Variants in RGS22 observed in about 807,000 individuals in gnomAD.
RGS22 encodes the protein regulator of G-protein signaling 22.
In RGS22, 148 loss-of-function variants were observed where a neutral mutation model predicts 172.9. That is an observed-to-expected ratio of 0.86 (90% CI 0.75 to 0.98). The LOEUF (loss-of-function observed/expected upper bound fraction) is 0.98. RGS22 is among the 50% of genes least tolerant of loss of function. RGS22 has a pLI of 0.00. For missense variants in RGS22, 1,347 were observed against 1,440.8 expected (o/e 0.93, Z 1.05); for synonymous variants, 458 against 480.2 (o/e 0.95, Z 0.60).
At chr8:99,992,151 A>ACT (rs1813808756) in intron 20 of RGS22, among the ~76,000 whole-genome samples, 1 of 152,230 alleles carries the variant, frequency 6.6e-6, no homozygotes, top group Non-Finnish European at 1.5e-5. Flanking sequence ...AGTACCAGCC[A>ACT]GCACAAAAAC....
chr8:100,043,276 T>C (rs559875201), intron 11 of RGS22, among the ~76,000 whole-genome samples: 1 of 152,226 alleles, frequency 6.6e-6, no homozygotes, highest in Non-Finnish European at 1.5e-5. Context: ...GCGCCCCACC[T>C]CCTGCCCGTG....
At chr8:100,103,369 T>C (rs1246427590) in intron 2 of RGS22, among the ~76,000 whole-genome samples, 2 of 152,100 alleles carry the variant, frequency 1.3e-5, no homozygotes, top group Non-Finnish European at 2.9e-5. Flanking sequence ...GATCTGGCTA[T>C]GAAAGGAGCT....
intron 20 of RGS22, among the ~76,000 whole-genome samples, chr8:99,989,413 C>A (rs192698949): frequency 6.6e-6 from 1 of 152,264 alleles, no homozygotes; most frequent in Non-Finnish European, 1.5e-5. Flanking sequence ...AGCTAAAATT[C>A]TATCTTTTTG....
intron 20 of RGS22, among the ~76,000 whole-genome samples, chr8:99,991,306 A>G (rs1192801867): frequency 6.6e-6 from 1 of 152,202 alleles, no homozygotes; most frequent in African/African-American, 2.4e-5. Flanking sequence ...GGTTGGTAAT[A>G]ACAAATTTCT....
At chr8:100,038,659 GA>G (rs1022500990) in intron 14 of RGS22, 48 of 263,692 alleles carry the variant, frequency 1.8e-4, no homozygotes, top group African/African-American at 8.7e-4. Context: ...GTATACATTA[GA>G]AAAAAAAGAG....
At chr8:100,072,905 C>T (rs757944454) in intron 4 of RGS22, among the ~76,000 whole-genome samples, 2 of 152,070 alleles carry the variant, frequency 1.3e-5, no homozygotes, top group Non-Finnish European at 2.9e-5. Context: ...AGTATTAGGT[C>T]ACAGGATGAG....
chr8:99,991,910 C>A (rs899694755), intron 20 of RGS22, among the ~76,000 whole-genome samples: 1 of 152,106 alleles, frequency 6.6e-6, no homozygotes, highest in African/African-American at 2.4e-5. Flanking sequence ...AGACTAACAG[C>A]AGATCTCTTG....
chr8:99,962,699 G>C lies in RGS22; in HGVS notation c.3778C>G (p.His1260Asp). ...TMSLKKNMSA[H>D]SSQK ...ACTGGAAACTCACTCTGGCTGCTGTGGGCAGACATATTCTTTTTCAAAGAC... is the reference window on the plus strand; with the variant it reads ...ACTGGAAACTCACTCTGGCTGCTGTCGGCAGACATATTCTTTTTCAAAGAC... The change falls in exon 26 of 28, where the codon CAC becomes GAC. Residue 1260 changes from histidine (H) to aspartate (D), a missense_variant. Transcript: ENST00000360863. The C allele has an allele frequency of 6.2e-7, 1 of 1,609,086 alleles. No homozygotes were observed. The highest frequency in any genetic ancestry group is 8.5e-7 in the Non-Finnish European group (1 of 1,178,596).
chr8:99,964,323 G>T (rs375911856), intron 24 of RGS22, among the ~76,000 whole-genome samples: 22 of 152,094 alleles, frequency 1.4e-4, no homozygotes, highest in African/African-American at 4.8e-4. Context: ...GCATGGTGGT[G>T]TGCGCCTGTA....
At position 100,091,751 on chromosome 8, in the gene RGS22, G is replaced by T. The variant is rs534333168; in HGVS notation, c.117+1696C>A. ...CACAAAAATGTACTTGTTTTGGAGG[G>T]AGAGTGGAGATTGCAGAGCCCACAG... On this transcript the variant is annotated intron_variant, in intron 3 of 27. Coordinates refer to ENST00000360863, the MANE Select transcript of RGS22 (RefSeq NM_015668.5). 5 of 152,264 alleles carry T rather than the reference G, an allele frequency of 3.3e-5. No homozygotes were observed. In the South Asian group the frequency reaches 1.0e-3, roughly 32 times the overall value. The allele number at this position is 152,264 out of a possible 1,614,324, so 9.4% of individuals were successfully genotyped here.
intron 14 of RGS22, among the ~76,000 whole-genome samples, chr8:100,019,350 C>A (rs547596689): frequency 6.6e-6 from 1 of 152,348 alleles, no homozygotes; most frequent in African/African-American, 2.4e-5. Flanking sequence ...AACAGTTTCA[C>A]ATACTTCGTT....
chr8:100,004,240 A>G (rs1452148315), intron 16 of RGS22, 142 bp from the exon 17 acceptor site: 21 of 968,932 alleles, frequency 2.2e-5, no homozygotes, highest in Non-Finnish European at 2.9e-5. Context: ...AAGACTTTAG[A>G]ATCTGGTAAA....
rs181066402 is a variant in RGS22, at chr8:100,023,802, G to C, written c.2166+15129C>G. 3.5e-4 allele frequency among the ~76,000 whole-genome samples: 53 copies of C among 152,188 alleles called. 1 individual carries two copies. Among genetic ancestry groups the C allele is most frequent in the Admixed American group, 3.1e-3 (48 of 15,274 alleles). ...TCTTGCAGGCCTGTGAAGCCTTTTT[G>C]TCTCTAGTCAGCTGCTCATATCTGT... is the stretch of plus-strand genomic sequence containing the variant. On this transcript the variant is annotated intron_variant, in intron 14 of 27. Coordinates refer to ENST00000360863, the MANE Select transcript of RGS22 (RefSeq NM_015668.5).
intron 7 of RGS22, among the ~76,000 whole-genome samples, chr8:100,065,057 C>A (rs762807455): frequency 1.3e-5 from 2 of 152,304 alleles, no homozygotes; most frequent in South Asian, 4.1e-4. Flanking sequence ...AGTAAATCTG[C>A]GCCTTGAATT....
intron 24 of RGS22, among the ~76,000 whole-genome samples, chr8:99,964,170 A>T (rs1810486736): frequency 6.6e-6 from 1 of 152,158 alleles, no homozygotes; most frequent in Non-Finnish European, 1.5e-5. Context: ...ATAAAAAAAG[A>T]TTAGAAGCCT....
At chr8:100,086,611 C>G (rs1431448725) in intron 3 of RGS22, among the ~76,000 whole-genome samples, 2 of 151,960 alleles carry the variant, frequency 1.3e-5, no homozygotes, top group Non-Finnish European at 2.9e-5. Flanking sequence ...GTACTATGCT[C>G]AGTACCTAGG....
At position 100,099,194 on chromosome 8, in the gene RGS22, G is replaced by A. The variant is rs1013706700; in HGVS notation, c.55-5685C>T. The stretch of plus-strand genomic sequence containing the variant: ...CTCTCAAAGTGCTGGGATTACAGGT[G>A]TGAGCCATTGCGCCTGGCCCAGACT... On this transcript the variant is annotated intron_variant, in intron 2 of 27. Coordinates refer to ENST00000360863, the MANE Select transcript of RGS22 (RefSeq NM_015668.5). Among the ~76,000 whole-genome samples the A allele has an allele frequency of 1.1e-4, 16 of 152,104 alleles. 1 individual carries two copies. Among genetic ancestry groups the A allele is most frequent in the African/African-American group, 3.6e-4 (15 of 41,406 alleles).
At chr8:100,104,198 G>C (rs1177927500) in intron 2 of RGS22, among the ~76,000 whole-genome samples, 1 of 152,118 alleles carries the variant, frequency 6.6e-6, no homozygotes, top group Admixed American at 6.5e-5. Context: ...CGTGCCTATA[G>C]GGACAGTGAC....
At chr8:100,013,218 T>A (rs62534652) in intron 14 of RGS22, among the ~76,000 whole-genome samples, 5 of 152,150 alleles carry the variant, frequency 3.3e-5, no homozygotes, top group Middle Eastern at 3.2e-3. Flanking sequence ...CTCAAAATCC[T>A]GACCTCGTGA....
Sources: allele counts gnomAD v4.1 joint callset (sites outside exome capture counted in the v4.1 genomes callset), GRCh38; gene constraint gnomAD v4.1.1; transcripts MANE v1.5; gene names NCBI Gene and HGNC (gene_info 2026-07-23, HGNC 2026-07-21).